DLG2: variants seen among roughly 807,000 people sequenced by gnomAD.
The protein encoded by DLG2 is discs large MAGUK scaffold protein 2.
Under a neutral mutation model 132.5 loss-of-function variants are expected in DLG2, and 45 were observed. The observed-to-expected ratio is 0.34, with a 90% CI of 0.27 to 0.44. The LOEUF (loss-of-function observed/expected upper bound fraction) is 0.44, where lower values mean the gene tolerates loss of function less well. Among genes scored for constraint, DLG2 ranks in the 20% least tolerant of loss-of-function variants. The pLI is 1.00. For missense variants in DLG2, 1,045 were observed against 1,196.9 expected (o/e 0.87, Z 1.87); for synonymous variants, 424 against 419.6 (o/e 1.01, Z -0.13).
chr11:83,866,795 T>C (rs1383784239), intron 16 of DLG2, among the ~76,000 whole-genome samples: 1 of 152,108 alleles, frequency 6.6e-6, no homozygotes, highest in Non-Finnish European at 1.5e-5. Context: ...GTGGATTCTG[T>C]GGCAGCCCTA....
chr11:83,900,855 T>A (rs997773605), intron 15 of DLG2, among the ~76,000 whole-genome samples: 6 of 152,120 alleles, frequency 3.9e-5, no homozygotes, highest in Non-Finnish European at 5.9e-5. Flanking sequence ...CACTGACAGC[T>A]TGCACTGTGT....
At chr11:85,352,665 C>T (rs915384337) in intron 3 of DLG2, among the ~76,000 whole-genome samples, 5 of 151,848 alleles carry the variant, frequency 3.3e-5, no homozygotes, top group Non-Finnish European at 1.5e-5. Flanking sequence ...CAGAACAGAG[C>T]CCTCAGAAAT....
intron 7 of DLG2, among the ~76,000 whole-genome samples, chr11:84,346,237 G>A (rs974259954): frequency 2.2e-4 from 34 of 152,146 alleles, no homozygotes; most frequent in African/African-American, 8.0e-4. Context: ...CCTTTCTATG[G>A]CTAACTCACA....
chr11:84,829,066 C>T (rs2078691673), intron 6 of DLG2, among the ~76,000 whole-genome samples: 2 of 151,618 alleles, frequency 1.3e-5, no homozygotes, highest in Non-Finnish European at 1.5e-5. Flanking sequence ...TTTCAGGTTA[C>T]ACAAAGACAT....
intron 6 of DLG2, among the ~76,000 whole-genome samples, chr11:85,101,740 G>GA (rs2070879475): frequency 6.6e-6 from 1 of 152,006 alleles, no homozygotes; most frequent in Non-Finnish European, 1.5e-5. Flanking sequence ...GCTCTGTCAC[G>GA]AAACCATCTC....
chr11:84,486,518 C>A (rs1398098124), intron 7 of DLG2, among the ~76,000 whole-genome samples: 2 of 151,954 alleles, frequency 1.3e-5, no homozygotes, highest in Non-Finnish European at 2.9e-5. Flanking sequence ...TGATGTGAAC[C>A]ACATATTAAT....
intron 3 of DLG2, among the ~76,000 whole-genome samples, chr11:85,574,697 G>A (rs139533798): frequency 8.9e-4 from 136 of 152,050 alleles, no homozygotes; most frequent in Non-Finnish European, 1.5e-3. Context: ...CCCACCCCTC[G>A]TCTCTTTTGC....
At chr11:84,429,130 T>C (rs992119513) in intron 7 of DLG2, among the ~76,000 whole-genome samples, 69 of 152,348 alleles carry the variant, frequency 4.5e-4, no homozygotes, top group African/African-American at 1.6e-3. Flanking sequence ...AGAGTCTCCT[T>C]TACATTCTTC....
chr11:84,799,674 C>T (rs2153955359), intron 6 of DLG2, among the ~76,000 whole-genome samples: 1 of 152,128 alleles, frequency 6.6e-6, no homozygotes, highest in South Asian at 2.1e-4. Flanking sequence ...TTGAGACTCT[C>T]TTCTTCTTCA....
chr11:84,283,726 A>T (rs1379524257), intron 7 of DLG2, among the ~76,000 whole-genome samples: 1 of 152,094 alleles, frequency 6.6e-6, no homozygotes, highest in Non-Finnish European at 1.5e-5. Context: ...CTCCTCCACT[A>T]AACTGTAAGC....
chr11:83,692,816 C>T (rs2081218081), intron 18 of DLG2: 1 of 152,120 alleles, frequency 6.6e-6, no homozygotes, highest in South Asian at 2.1e-4. Flanking sequence ...TAGGTGTGGC[C>T]ATGTGTCTGA....
At chr11:83,955,192 T>C (rs1043213943) in intron 14 of DLG2, among the ~76,000 whole-genome samples, 4 of 152,140 alleles carry the variant, frequency 2.6e-5, no homozygotes, top group African/African-American at 9.7e-5. Context: ...ATGTAGAAAG[T>C]ATTATTTTGC....
At chr11:85,200,140 C>A (rs1307521436) in intron 4 of DLG2, among the ~76,000 whole-genome samples, 2 of 152,096 alleles carry the variant, frequency 1.3e-5, no homozygotes, top group Admixed American at 1.3e-4. Flanking sequence ...CTAGGGGGGT[C>A]ATTTCGAGAG....
intron 8 of DLG2, among the ~76,000 whole-genome samples, chr11:84,195,731 T>C (rs988105469): frequency 1.3e-5 from 2 of 152,226 alleles, no homozygotes; most frequent in African/African-American, 4.8e-5. Flanking sequence ...ACACGAAACT[T>C]CTGCAGCAAC....
chr11:84,683,297 C>T (rs2099735151), intron 6 of DLG2, among the ~76,000 whole-genome samples: 1 of 152,124 alleles, frequency 6.6e-6, no homozygotes, highest in South Asian at 2.1e-4. Context: ...GCACTATCTC[C>T]ATTCTCCAGA....
At chr11:84,616,914 T>C (rs1004674616) in intron 6 of DLG2, among the ~76,000 whole-genome samples, 2 of 152,062 alleles carry the variant, frequency 1.3e-5, no homozygotes, top group South Asian at 2.1e-4. Flanking sequence ...TAAATAATTT[T>C]TGCAAAGAAG....
chr11:83,633,118 G>T, intron 19 of DLG2, 93 bp downstream of exon 19: 1 of 1,114,920 alleles, frequency 9.0e-7, no homozygotes, highest in East Asian at 2.4e-5. Flanking sequence ...TGGGTTAAGT[G>T]GGACACATGT....
chr11:84,391,681 T>C (rs142320216), intron 7 of DLG2, among the ~76,000 whole-genome samples: 1,859 of 152,246 alleles, frequency 0.012, 30 homozygotes, highest in Middle Eastern at 0.037. Context: ...CAGCTGATTG[T>C]ATTCCGAGAC....
intron 6 of DLG2, among the ~76,000 whole-genome samples, chr11:84,963,740 T>C (rs1360439725): frequency 6.6e-6 from 1 of 152,170 alleles, no homozygotes; most frequent in Non-Finnish European, 1.5e-5. Flanking sequence ...AAGGCATTCA[T>C]TGTCATGCTC....
Sources: allele counts gnomAD v4.1 joint callset (sites outside exome capture counted in the v4.1 genomes callset), GRCh38; gene constraint gnomAD v4.1.1; transcripts MANE v1.5; gene names NCBI Gene and HGNC (gene_info 2026-07-23, HGNC 2026-07-21).